Variants in POLD3 observed in about 807,000 individuals in gnomAD.
The protein encoded by POLD3 is DNA polymerase delta subunit 3.
A neutral mutation model predicts 58.2 loss-of-function variants in POLD3; 19 were observed. The ratio of observed to expected loss-of-function variants is 0.33; its 90% CI spans 0.23 to 0.48. The LOEUF is 0.48. Among genes scored for constraint, POLD3 ranks in the 20% least tolerant of loss-of-function variants. The pLI is 0.99. For missense variants in POLD3, 504 were observed against 545.5 expected (o/e 0.92, Z 0.76); for synonymous variants, 172 against 193.5 (o/e 0.89, Z 0.92).
At chr11:74,657,835 G>A (rs1181344872) in intron 4 of POLD3, among the ~76,000 whole-genome samples, 1 of 152,160 alleles carries the variant, frequency 6.6e-6, no homozygotes, top group Non-Finnish European at 1.5e-5. Context: ...GACAGGTCTG[G>A]TGTTGATGAA....
chr11:74,664,323 C>T (rs1369611955), intron 4 of POLD3, among the ~76,000 whole-genome samples: 1 of 152,122 alleles, frequency 6.6e-6, no homozygotes, highest in Non-Finnish European at 1.5e-5. Context: ...AAGATTTGTA[C>T]ACTAATGTTC....
At chr11:74,612,472 A>C (rs993441252) in intron 4 of POLD3, among the ~76,000 whole-genome samples, 1 of 152,168 alleles carries the variant, frequency 6.6e-6, no homozygotes, top group Non-Finnish European at 1.5e-5. Context: ...TTTATTACAG[A>C]GTTGCTTTCT....
chr11:74,628,751 A>C (rs1464448446), intron 8 of POLD3: 1 of 152,340 alleles, frequency 6.6e-6, no homozygotes, highest in African/African-American at 2.4e-5. Context: ...ATTATATTCC[A>C]TAACATTTTA....
At chr11:74,647,657 A>T (rs1019725876), downstream of POLD3, among the ~76,000 whole-genome samples, 4 of 152,206 alleles carry the variant, frequency 2.6e-5, no homozygotes, top group African/African-American at 7.2e-5. Context: ...GCTACTGTGG[A>T]TTCCAGAAAA....
At chr11:74,631,980 G>C (rs1017539869) in intron 9 of POLD3, among the ~76,000 whole-genome samples, 2 of 151,772 alleles carry the variant, frequency 1.3e-5, no homozygotes, top group Non-Finnish European at 2.9e-5. Flanking sequence ...AGCACCTGTA[G>C]TACTATATAC....
chr11:74,658,616 A>G (rs1319623279), intron 4 of POLD3, among the ~76,000 whole-genome samples: 1 of 152,220 alleles, frequency 6.6e-6, no homozygotes, highest in African/African-American at 2.4e-5. Context: ...GGTATTGGGT[A>G]AATACAGCCA....
chr11:74,645,264 C>G (rs1205933095), downstream of POLD3, among the ~76,000 whole-genome samples: 1 of 152,224 alleles, frequency 6.6e-6, no homozygotes, highest in Non-Finnish European at 1.5e-5. Flanking sequence ...TTGAACTTCA[C>G]TTGCCACTTG....
chr11:74,662,382 T>C (rs1046561057), intron 4 of POLD3, among the ~76,000 whole-genome samples: 1 of 152,028 alleles, frequency 6.6e-6, no homozygotes, highest in Admixed American at 6.6e-5. Context: ...GCCCAAGGGC[T>C]CTTTAATCAG....
At chr11:74,632,193 C>T (rs988146987) in intron 9 of POLD3, among the ~76,000 whole-genome samples, 1 of 152,070 alleles carries the variant, frequency 6.6e-6, no homozygotes, top group African/African-American at 2.4e-5. Context: ...AAAAATAGTC[C>T]TAGGAAGCTG....
intron 11 of POLD3, among the ~76,000 whole-genome samples, chr11:74,637,301 C>G (rs1393097082): frequency 6.6e-6 from 1 of 152,084 alleles, no homozygotes; most frequent in Non-Finnish European, 1.5e-5. Context: ...GAAAAGGCCT[C>G]TGCCATTTTA....
Position 74,660,909 on chromosome 11 carries a change from CTG to C in POLD3, c.370-7864_370-7863del, listed in dbSNP as rs574487321. Among the ~76,000 whole-genome samples, 17 of 151,966 alleles carry C rather than the reference CTG, an allele frequency of 1.1e-4. No individual in the cohort carries two copies. The South Asian group carries it at 1.9e-3, about 17-fold the overall frequency. ...AAACAGGCTAATACATCTCCTCTGACTGTGTTTTTTTCAAGTAGCCTGTCTTC... is the reference window on the plus strand; with the variant it reads ...AAACAGGCTAATACATCTCCTCTGACTGTTTTTTTCAAGTAGCCTGTCTTC... On this transcript the variant is annotated intron_variant, in intron 4 of 4. Coordinates refer to the POLD3 transcript ENST00000524752.
intron 2 of POLD3, among the ~76,000 whole-genome samples, chr11:74,596,561 T>G (rs1052796176): frequency 6.6e-6 from 1 of 152,224 alleles, no homozygotes. Context: ...ATATATACAC[T>G]GTGGAGTAGT....
chr11:74,607,407 C>T (rs565422634), intron 3 of POLD3, among the ~76,000 whole-genome samples: 7 of 150,042 alleles, frequency 4.7e-5, no homozygotes, highest in Admixed American at 1.3e-4. Flanking sequence ...GGACTACAGG[C>T]GCCCGCCACC....
intron 2 of POLD3, among the ~76,000 whole-genome samples, chr11:74,600,880 C>T (rs1005296678): frequency 3.3e-5 from 5 of 151,712 alleles, no homozygotes; most frequent in Admixed American, 6.6e-5. Flanking sequence ...ACCATGTGCC[C>T]GGCTAATTTT....
intron 2 of POLD3, among the ~76,000 whole-genome samples, chr11:74,599,880 T>C (rs2031422932): frequency 6.6e-6 from 1 of 152,102 alleles, no homozygotes; most frequent in South Asian, 2.1e-4. Context: ...GATTAATGAA[T>C]TAAAATGGGA....
chr11:74,630,878 T>A (rs2032570966), intron 9 of POLD3, among the ~76,000 whole-genome samples: 1 of 152,006 alleles, frequency 6.6e-6, no homozygotes, highest in Non-Finnish European at 1.5e-5. Flanking sequence ...TTCCCTATAG[T>A]TCTGATCTGT....
At chr11:74,617,165 T>G (rs1214884856) in intron 5 of POLD3, among the ~76,000 whole-genome samples, 1 of 152,224 alleles carries the variant, frequency 6.6e-6, no homozygotes, top group Non-Finnish European at 1.5e-5. Context: ...AATTACCCAT[T>G]CACAATGTGG....
intron 4 of POLD3, among the ~76,000 whole-genome samples, chr11:74,659,689 CTT>C (rs151067805): frequency 0.27 from 40,880 of 151,958 alleles, 5,913 homozygotes; most frequent in South Asian, 0.42. Flanking sequence ...CCACCAGTCT[CTT>C]TGCCAAAACA....
intron 4 of POLD3, among the ~76,000 whole-genome samples, chr11:74,667,593 T>TAAAAAAAAAAAAAAA (rs1565137722): frequency 1.3e-5 from 2 of 151,086 alleles, no homozygotes; most frequent in African/African-American, 4.9e-5. Flanking sequence ...AAATAAAATT[T>TAAAAAAAAAAAAAAA]AAAAATTTAG....
Sources: allele counts gnomAD v4.1 joint callset (sites outside exome capture counted in the v4.1 genomes callset), GRCh38; gene constraint gnomAD v4.1.1; transcripts MANE v1.5; gene names NCBI Gene and HGNC (gene_info 2026-07-23, HGNC 2026-07-21).